PSG1: variants seen among roughly 807,000 people sequenced by gnomAD.
PSG1 encodes pregnancy specific beta-1-glycoprotein 1.
PSG1 carries 60 observed loss-of-function variants against 41.4 expected under a neutral mutation model. That is an observed-to-expected ratio of 1.45 (90% confidence interval 1.18 to 1.80). The LOEUF (loss-of-function observed/expected upper bound fraction) is 1.80. Among genes scored for constraint, PSG1 ranks in the 40% most tolerant of loss-of-function variants. The probability of loss-of-function intolerance (pLI) is 0.00; values close to 1 mark genes in which losing one functional copy is unlikely to be tolerated. For synonymous variants in PSG1, 256 were observed against 192.9 expected (o/e 1.33, Z -2.71); for missense variants, 806 against 516.9 (o/e 1.56, Z -5.42).
intron 2 of PSG1, among the ~76,000 whole-genome samples, chr19:42,877,463 C>G (rs1450294490): frequency 6.6e-6 from 1 of 151,632 alleles, no homozygotes; most frequent in South Asian, 2.1e-4. Context: ...AGCCACAACC[C>G]AGTCCCAGCA....
Position 42,871,801 on chromosome 19 carries a change from G to T in PSG1, c.675C>A (p.Ala225=). 2 of 1,612,588 alleles carry T rather than the reference G, an allele frequency of 1.2e-6. No individual in the cohort carries two copies. The highest frequency in any genetic ancestry group is 1.7e-6 in the Non-Finnish European group (2 of 1,179,254). ...YECEIRNPVS[A]SRSDPVTLNL... is the part of the protein sequence containing the mutation. ...TCAGGGTGACTGGGTCACTGCGGCT[G>T]GCACTCACTGGGTTCCGTATTTCAC... is the stretch of plus-strand genomic sequence containing the variant. The change falls in exon 3 of 6, where the codon GCC becomes GCA. Residue 225 remains alanine (A), a synonymous_variant. Coordinates refer to ENST00000436291, the MANE Select transcript of PSG1 (RefSeq NM_001184825.2).
chr19:42,870,690 G>A (rs931393530), intron 3 of PSG1: 1 of 151,594 alleles, frequency 6.6e-6, no homozygotes, highest in Non-Finnish European at 1.5e-5. Flanking sequence ...CTCATTTTGG[G>A]TAATGTTGTC....
chr19:42,867,790 A>G lies in PSG1; in HGVS notation c.1243+311T>C, dbSNP rs552192185. The stretch of plus-strand genomic sequence containing the variant: ...GAAAAATTCCATCAATGTAGAAAAC[A>G]AACCATTTAAAGAATCAGCAAATTT... On this transcript the variant is annotated intron_variant, in intron 5 of 5. Coordinates refer to ENST00000436291, the MANE Select transcript of PSG1 (RefSeq NM_001184825.2). 69 of 1,115,144 alleles carry G rather than the reference A, an allele frequency of 6.2e-5. 1 individual carries two copies. Among genetic ancestry groups the G allele is most frequent in the South Asian group, 3.9e-4 (28 of 72,560 alleles). 69.1% of individuals were successfully genotyped at this position (1,115,144 alleles called of 1,614,324 possible).
chr19:42,875,056 G>C (rs1344283924), intron 2 of PSG1, among the ~76,000 whole-genome samples: 1 of 151,668 alleles, frequency 6.6e-6, no homozygotes, highest in Non-Finnish European at 1.5e-5. Context: ...TGGGGTTTGG[G>C]GACAGCAGGC....
chr19:42,879,109 T>TC (rs1239738555), intron 1 of PSG1, among the ~76,000 whole-genome samples: 1 of 151,398 alleles, frequency 6.6e-6, no homozygotes, highest in Non-Finnish European at 1.5e-5. Context: ...TGGTGTATTT[T>TC]CCCCTATCCA....
At chr19:42,870,910 G>T (rs1238787241) in intron 3 of PSG1, among the ~76,000 whole-genome samples, 1 of 151,608 alleles carries the variant, frequency 6.6e-6, no homozygotes, top group Non-Finnish European at 1.5e-5. Flanking sequence ...ATTGTTCATT[G>T]TTAGTGTATA....
rs1136443 is a variant in PSG1, at chr19:42,867,261, C to G, written c.1244-111G>C. ...ATTTTTCCCTCTATGGGCATCTCTA[C>G]TTTTACCAATGATAATTTCAGTAGA... On this transcript the variant is annotated intron_variant, in intron 5 of 5. Coordinates refer to ENST00000436291, the MANE Select transcript of PSG1 (RefSeq NM_001184825.2). 6.1e-4 allele frequency: 444 copies of G among 723,074 alleles called. 8 individuals carry two copies. The highest frequency in any genetic ancestry group is 1.5e-3 in the South Asian group (103 of 68,348). 44.8% of individuals were successfully genotyped at this position (723,074 alleles called of 1,614,324 possible). A position where few individuals can be genotyped will look rare whatever the true frequency, so the allele number is the denominator to read the frequency against.
At chr19:42,869,901 G>C (rs373621418) in intron 3 of PSG1, 1 of 151,840 alleles carries the variant, frequency 6.6e-6, no homozygotes, top group East Asian at 1.9e-4. Flanking sequence ...CTGGAAATCT[G>C]GTCCTCATGA....
intron 2 of PSG1, among the ~76,000 whole-genome samples, chr19:42,875,434 G>T (rs1971562896): frequency 6.6e-6 from 1 of 151,666 alleles, no homozygotes; most frequent in Admixed American, 6.6e-5. Context: ...GTAACTAATT[G>T]CTCCTATAGA....
At chr19:42,869,196 G>T (rs1356279815) in intron 3 of PSG1, 162 bp from the exon 4 acceptor site, 15 of 1,452,142 alleles carry the variant, frequency 1.0e-5, no homozygotes, top group South Asian at 4.2e-5. Flanking sequence ...ATGATCTAAG[G>T]GCTCAAAGAC....
In PSG1 at chr19:42,868,993, G is replaced by A. The variant is rs368473411; in HGVS notation, c.751C>T (p.Pro251Ser). The change falls in exon 4 of 6, where the codon CCC becomes TCC. Residue 251 changes from proline (P) to serine (S), a missense_variant. By Grantham distance (74) the Pro-to-Ser change is moderately conservative (BLOSUM62 -1). Coordinates refer to ENST00000436291, the MANE Select transcript of PSG1 (RefSeq NM_001184825.2). ...TTTAAGACATCCTTATTCTCCCTGG[G>A]GTTTAAGTTGTTGATGGTGATGTAG... is the stretch of plus-strand genomic sequence containing the variant. Reference protein sequence around the residue: ...KPYITINNLNPRENKDVLNFT... With the variant: ...KPYITINNLNSRENKDVLNFT... The A allele has an allele frequency of 6.2e-7, 1 of 1,610,632 alleles. No individual in the cohort carries two copies. Among genetic ancestry groups the A allele is most frequent in the Non-Finnish European group, 8.5e-7 (1 of 1,179,062 alleles).
At chr19:42,877,409 C>G (rs1433087132) in intron 2 of PSG1, among the ~76,000 whole-genome samples, 1 of 151,620 alleles carries the variant, frequency 6.6e-6, no homozygotes, top group Non-Finnish European at 1.5e-5. Context: ...ACACAGTCCT[C>G]TGACAGCTGG....
At chr19:42,876,415 C>G (rs531967224) in intron 2 of PSG1, among the ~76,000 whole-genome samples, 1 of 151,532 alleles carries the variant, frequency 6.6e-6, no homozygotes, top group East Asian at 1.9e-4. Context: ...GGGGATGAAA[C>G]ATGGATGTCA....
intron 2 of PSG1, chr19:42,876,653 G>A (rs760695994): frequency 4.5e-6 from 1 of 224,504 alleles, no homozygotes; most frequent in Non-Finnish European, 9.1e-6. Context: ...CAGTGACAAG[G>A]ACACTTTGGG....
chr19:42,879,286 A>G (rs372129278), intron 1 of PSG1, among the ~76,000 whole-genome samples: 5 of 150,284 alleles, frequency 3.3e-5, no homozygotes, highest in African/African-American at 9.8e-5. Flanking sequence ...CCGAGTAGCT[A>G]GGATTATAGG....
At chr19:42,872,913 G>A (rs1971455528) in intron 2 of PSG1, among the ~76,000 whole-genome samples, 1 of 151,766 alleles carries the variant, frequency 6.6e-6, no homozygotes, top group Non-Finnish European at 1.5e-5. Flanking sequence ...TGGCCCTCAT[G>A]GACCATATGT....
Position 42,867,229 on chromosome 19 carries a change from C to A in PSG1, c.1244-79G>T, listed in dbSNP as rs1017750474. On this transcript the variant is annotated intron_variant, in intron 5 of 5. Transcript: ENST00000436291. ...ACAGGTATACTACAGTTTTTATTTT[C>A]CACATAATTTTTCCCTCTATGGGCA... 7 of 758,482 alleles carry A rather than the reference C, an allele frequency of 9.2e-6. No individual in the cohort carries two copies. In the African/African-American group the frequency reaches 1.0e-4, roughly 11 times the overall value. 47.0% of individuals were successfully genotyped at this position (758,482 alleles called of 1,614,324 possible). A position where few individuals can be genotyped will look rare whatever the true frequency, so the allele number is the denominator to read the frequency against.
At position 42,868,253 on chromosome 19, in the gene PSG1, T is replaced by C. The variant is rs1284667431; in HGVS notation, c.1091A>G (p.Tyr364Cys). ...CSADSNPPAQ[Y>C]SWTINEKFQL... The stretch of plus-strand genomic sequence containing the variant: ...AAACTTTTCATTAATTGTCCAAGAA[T>C]ACTGTGCCGGTGGGTTAGAGTCCGC... The change falls in exon 5 of 6, where the codon TAT becomes TGT. Residue 364 changes from tyrosine (Y) to cysteine (C), a missense_variant. Coordinates refer to ENST00000436291, the MANE Select transcript of PSG1 (RefSeq NM_001184825.2). 6.2e-7 allele frequency: 1 copy of C among 1,612,164 alleles called. No individual in the cohort carries two copies. The highest frequency in any genetic ancestry group is 1.3e-5 in the African/African-American group (1 of 74,594).
intron 1 of PSG1, among the ~76,000 whole-genome samples, chr19:42,878,928 T>G (rs1187147374): frequency 2.0e-5 from 3 of 151,558 alleles, no homozygotes; most frequent in Non-Finnish European, 4.4e-5. Context: ...CAGTGTTTCC[T>G]GCCCTGTTTA....
Sources: gnomAD v4.1 joint callset for allele counts (sites outside exome capture counted in the v4.1 genomes callset) on GRCh38, gnomAD v4.1.1 for gene constraint, MANE v1.5 for transcripts, NCBI Gene and HGNC (gene_info 2026-07-23, HGNC 2026-07-21) for gene names.